Variants in CUX1 observed in about 807,000 individuals in gnomAD.
CUX1 encodes the protein protein CASP.
A neutral mutation model predicts 158.8 loss-of-function variants in CUX1; 31 were observed. The observed-to-expected ratio is 0.20, with a 90% CI of 0.15 to 0.26. The LOEUF is 0.26. CUX1 is among the 10% of genes least tolerant of loss of function. The probability of loss-of-function intolerance (pLI) is 1.00; values close to 1 mark genes in which losing one functional copy is unlikely to be tolerated. For missense variants in CUX1, 1,589 were observed against 2,014.6 expected, an observed-to-expected ratio of 0.79 and a Z score of 4.04; for synonymous variants, 879 against 862.1, an observed-to-expected ratio of 1.02 and a Z score of -0.34.
At chr7:101,860,216 G>A (rs764598413) in intron 1 of CUX1, among the ~76,000 whole-genome samples, 1 of 152,100 alleles carries the variant, frequency 6.6e-6, no homozygotes, top group Non-Finnish European at 1.5e-5. Context: ...ATGTTTTCCT[G>A]GTGGAAGATT....
chr7:101,945,804 A>C (rs997931797), intron 2 of CUX1, among the ~76,000 whole-genome samples: 2 of 152,182 alleles, frequency 1.3e-5, no homozygotes, highest in Non-Finnish European at 1.5e-5. Context: ...TGTGCTCAGG[A>C]ACGTGGTTCT....
rs782167992 is a variant in CUX1, at chr7:102,158,621, A to G, written c.723+13A>G. 19 of 1,613,792 alleles carry G rather than the reference A, an allele frequency of 1.2e-5. No individual in the cohort carries two copies. The highest frequency in any genetic ancestry group is 3.3e-5 in the Admixed American group (2 of 59,992). Reference sequence around the variant, plus strand: ...AAGGGCAAACCAGGTAGGACCCTGGACGCTTTTAGTCCTAAAACCCACAAT... The same window carrying G: ...AAGGGCAAACCAGGTAGGACCCTGGGCGCTTTTAGTCCTAAAACCCACAAT... On this transcript the variant is annotated intron_variant, in intron 9 of 23. Coordinates refer to ENST00000292535, the MANE Select transcript of CUX1 (RefSeq NM_181552.4).
chr7:101,914,339 G>A (rs185349595), intron 1 of CUX1, among the ~76,000 whole-genome samples: 92 of 146,724 alleles, frequency 6.3e-4, no homozygotes, highest in African/African-American at 2.1e-3. Flanking sequence ...AAGTGTCTAC[G>A]ATTCCTTCCT....
chr7:102,092,912 CAAAAAAAAAAA>C (rs60587564), intron 4 of CUX1, among the ~76,000 whole-genome samples: 1 of 74,958 alleles, frequency 1.3e-5, no homozygotes, highest in Non-Finnish European at 2.6e-5. Context: ...GACTCCGTCT[CAAAAAAAAAAA>C]AAAAAAAAAG....
intron 2 of CUX1, among the ~76,000 whole-genome samples, chr7:101,949,372 C>T (rs978194713): frequency 3.9e-5 from 6 of 151,990 alleles, no homozygotes; most frequent in Non-Finnish European, 7.4e-5. Context: ...CCTCGTGATC[C>T]GCCCGCCTAG....
chr7:102,007,202 C>T (rs1024316505), intron 2 of CUX1, among the ~76,000 whole-genome samples: 6 of 152,142 alleles, frequency 3.9e-5, no homozygotes, highest in Middle Eastern at 3.4e-3. Context: ...AGTGCAGGGG[C>T]GCGATCCTGG....
chr7:102,260,510 G>A (rs982231254), downstream of CUX1, among the ~76,000 whole-genome samples: 2 of 146,042 alleles, frequency 1.4e-5, no homozygotes, highest in East Asian at 2.1e-4. Flanking sequence ...GGGTTCAGGC[G>A]ATTCTCCTGC....
intron 4 of CUX1, among the ~76,000 whole-genome samples, chr7:102,072,210 A>G (rs977714423): frequency 6.6e-6 from 1 of 152,242 alleles, no homozygotes; most frequent in African/African-American, 2.4e-5. Flanking sequence ...CAGCCGCTCA[A>G]GGGCCCAGAT....
chr7:102,201,054 A>AAAT lies in CUX1; in HGVS notation c.2063-306_2063-305insAAT, dbSNP rs1795379956. On this transcript the variant is annotated intron_variant, in intron 17 of 23. Transcript: ENST00000292535. This position sits in a 1 kb window ranked among gnomAD's most constrained non-coding sequence, Gnocchi z 5.0. The stretch of plus-strand genomic sequence containing the variant: ...AAAAAAAAAAAAAAAAAAAAAAAAA[A>AAAT]TTCTCGGGGAAAGGAGCCCCAGGAG... 1.4e-5 allele frequency among the ~76,000 whole-genome samples: 2 copies of AAAT among 147,540 alleles called. No individual in the cohort carries two copies. Among genetic ancestry groups the AAAT allele is most frequent in the Non-Finnish European group, 3.0e-5 (2 of 66,864 alleles).
At chr7:102,007,561 TC>T (rs1192964592) in intron 2 of CUX1, among the ~76,000 whole-genome samples, 3 of 151,490 alleles carry the variant, frequency 2.0e-5, no homozygotes, top group Admixed American at 6.6e-5. Context: ...CCTGCACCCC[TC>T]CTGTCTGGCT....
Position 102,258,204 on chromosome 7 carries a change from T to C in CUX1, c.*9162T>C, listed in dbSNP as rs1346147618. On this transcript the variant is annotated 3_prime_UTR_variant, in exon 24 of 24. Coordinates refer to ENST00000292535, the MANE Select transcript of CUX1 (RefSeq NM_181552.4). ...TTCACTAGCACCCTAGGTGTGATAA[T>C]TGAAGTAAATATCTTTTATACAAAC... is the stretch of plus-strand genomic sequence containing the variant. The C allele has an allele frequency of 2.0e-6, 2 of 983,222 alleles. No individual in the cohort carries two copies. Among genetic ancestry groups the C allele is most frequent in the East Asian group, 2.3e-4 (2 of 8,828 alleles). The allele number at this position is 983,222 out of a possible 1,614,324, so 60.9% of individuals were successfully genotyped here.
chr7:101,955,410 CATA>C (rs1483189693), intron 2 of CUX1, among the ~76,000 whole-genome samples: 1 of 152,192 alleles, frequency 6.6e-6, no homozygotes, highest in Admixed American at 6.5e-5. Context: ...GATGAGGAGG[CATA>C]ATAATATCAT....
intron 2 of CUX1, among the ~76,000 whole-genome samples, chr7:101,919,069 G>A (rs926303746): frequency 2.0e-5 from 3 of 152,174 alleles, no homozygotes; most frequent in East Asian, 1.9e-4. Context: ...ATGAGCCACC[G>A]CGCCCAGCCC....
intron 1 of CUX1, among the ~76,000 whole-genome samples, chr7:101,838,599 C>T (rs536290963): frequency 1.3e-5 from 2 of 151,572 alleles, no homozygotes; most frequent in African/African-American, 4.8e-5. Flanking sequence ...ATCAGGAGTT[C>T]AAGACCAGCC....
intron 9 of CUX1, among the ~76,000 whole-genome samples, chr7:102,168,414 G>A (rs1015169957): frequency 5.9e-5 from 9 of 152,042 alleles, no homozygotes; most frequent in Non-Finnish European, 1.0e-4. Context: ...TTGGGAGGCC[G>A]AGGCAGGCAG....
rs1303003165 is a variant in CUX1 at position 102,257,064 on chromosome 7, G to A, written c.*8022G>A. ...CTGTGGCCCCAAGCTCAGCCAGCAG[G>A]ACACCCAGTTGTTGCCAATCAGGTG... On this transcript the variant is annotated 3_prime_UTR_variant, in exon 24 of 24. Transcript: ENST00000292535. The A allele has an allele frequency of 3.0e-6, 3 of 985,290 alleles. No homozygotes were observed. The highest frequency in any genetic ancestry group is 3.6e-6 in the Non-Finnish European group (3 of 829,990). The allele number at this position is 985,290 out of a possible 1,614,324, so 61.0% of individuals were successfully genotyped here. A position where few individuals can be genotyped will look rare whatever the true frequency, so the allele number is the denominator to read the frequency against.
chr7:102,083,644 A>T (rs1015957187), intron 4 of CUX1, among the ~76,000 whole-genome samples: 1 of 146,774 alleles, frequency 6.8e-6, no homozygotes, highest in African/African-American at 2.4e-5. Context: ...AGTTTTTACA[A>T]AGGAGTTTTC....
At chr7:102,216,598 C>CCA (rs782225410) in intron 20 of CUX1, among the ~76,000 whole-genome samples, 2,669 of 29,086 alleles carry the variant, frequency 0.092, 179 homozygotes, top group African/African-American at 0.12. Flanking sequence ...ACACACACTC[C>CCA]CACACACACA....
chr7:102,023,657 G>C (rs981372974), intron 2 of CUX1, among the ~76,000 whole-genome samples: 23 of 152,334 alleles, frequency 1.5e-4, no homozygotes, highest in Middle Eastern at 6.8e-3. Flanking sequence ...TTTCTTCTTA[G>C]TTTAGTACAA....
Sources: allele counts gnomAD v4.1 joint callset (sites outside exome capture counted in the v4.1 genomes callset), GRCh38; gene constraint gnomAD v4.1.1; non-coding constraint Gnocchi (gnomAD v3.1); transcripts MANE v1.5; gene names NCBI Gene and HGNC (gene_info 2026-07-23, HGNC 2026-07-21).